TANC2: variants seen among roughly 807,000 people sequenced by gnomAD.
TANC2 encodes protein TANC2.
TANC2 carries 26 observed loss-of-function variants against 210.5 expected under a neutral mutation model. The ratio of observed to expected loss-of-function variants is 0.12; its 90% CI spans 0.09 to 0.17. The LOEUF (loss-of-function observed/expected upper bound fraction) is 0.17, where lower values mean the gene tolerates loss of function less well. TANC2 is among the 10% of genes least tolerant of loss of function. The pLI, the probability that TANC2 is intolerant of heterozygous loss-of-function variation, is 1.00. For missense variants in TANC2, 2,129 were observed against 2,608.9 expected (o/e 0.82, Z 4.01); for synonymous variants, 931 against 967.1 (o/e 0.96, Z 0.69).
chr17:63,002,757 A>G (rs2033444637), intron 1 of TANC2, among the ~76,000 whole-genome samples: 1 of 152,158 alleles, frequency 6.6e-6, no homozygotes, highest in African/African-American at 2.4e-5. Flanking sequence ...GCTTCTATGT[A>G]AAGGTTCTTT....
intron 1 of TANC2, among the ~76,000 whole-genome samples, chr17:62,977,022 T>C (rs191967893): frequency 3.9e-5 from 6 of 152,364 alleles, no homozygotes; most frequent in African/African-American, 1.4e-4. Context: ...TAAATGACCC[T>C]GTCTCCTTTG....
intron 17 of TANC2, among the ~76,000 whole-genome samples, chr17:63,394,503 A>G (rs867374998): frequency 6.6e-6 from 1 of 152,252 alleles, no homozygotes; most frequent in Non-Finnish European, 1.5e-5. Flanking sequence ...AGTTCTGAGC[A>G]TGAAAACACT....
At chr17:62,976,833 G>A (rs2143339871) in intron 1 of TANC2, among the ~76,000 whole-genome samples, 1 of 152,236 alleles carries the variant, frequency 6.6e-6, no homozygotes, top group Admixed American at 6.5e-5. Flanking sequence ...TCCTTATTTG[G>A]AAGTATTTTT....
At chr17:63,364,285 G>T (rs1023661841) in intron 14 of TANC2, among the ~76,000 whole-genome samples, 26 of 152,154 alleles carry the variant, frequency 1.7e-4, no homozygotes, top group African/African-American at 5.6e-4. Context: ...ACATCTATTA[G>T]TCAAATAGGC....
At chr17:63,272,533 C>T (rs1384517897) in intron 9 of TANC2, among the ~76,000 whole-genome samples, 1 of 151,950 alleles carries the variant, frequency 6.6e-6, no homozygotes, top group South Asian at 2.1e-4. Flanking sequence ...TGAATCTTAC[C>T]AATTACTTTT....
chr17:63,248,457 T>C (rs2042974140), intron 8 of TANC2, among the ~76,000 whole-genome samples: 1 of 152,152 alleles, frequency 6.6e-6, no homozygotes, highest in Non-Finnish European at 1.5e-5. Context: ...TTTTTAAACT[T>C]AATTTCTGTG....
intron 8 of TANC2, among the ~76,000 whole-genome samples, chr17:63,242,225 A>T (rs1268299467): frequency 6.6e-6 from 1 of 152,142 alleles, no homozygotes; most frequent in Non-Finnish European, 1.5e-5. Flanking sequence ...GAGATGTCTA[A>T]GACTCCTGTA....
intron 2 of TANC2, among the ~76,000 whole-genome samples, chr17:63,019,338 C>T (rs1267717883): frequency 2.6e-5 from 3 of 114,108 alleles, no homozygotes; most frequent in African/African-American, 8.8e-5. Context: ...ATGCCTCAGC[C>T]GCCTGAGTAC....
chr17:63,314,440 T>C (rs757478572), exon 10 of TANC2: 5 of 1,613,830 alleles, frequency 3.1e-6, no homozygotes, highest in African/African-American at 2.7e-5. Flanking sequence ...CTCTGCTCTT[T>C]GAAGTGCCCA....
At chr17:63,190,346 GA>G (rs10709454) in intron 5 of TANC2, among the ~76,000 whole-genome samples, 90,659 of 151,278 alleles carry the variant, frequency 0.6, 29,588 homozygotes, top group African/African-American at 0.86. Context: ...TCCTAGAAAA[GA>G]AAAAAAAAGA....
At chr17:63,348,847 A>G (rs1236113343) in intron 12 of TANC2, among the ~76,000 whole-genome samples, 1 of 152,220 alleles carries the variant, frequency 6.6e-6, no homozygotes, top group Non-Finnish European at 1.5e-5. Context: ...TTTCAAAGTG[A>G]AAATCTAAAG....
chr17:63,135,875 C>G (rs1157321189), intron 4 of TANC2, among the ~76,000 whole-genome samples: 7 of 152,098 alleles, frequency 4.6e-5, no homozygotes, highest in Non-Finnish European at 1.5e-5. Context: ...GAAATGAAAC[C>G]TAATAACGTT....
intron 5 of TANC2, among the ~76,000 whole-genome samples, chr17:63,178,676 T>C (rs1413931987): frequency 6.6e-6 from 1 of 152,232 alleles, no homozygotes; most frequent in African/African-American, 2.4e-5. Flanking sequence ...TGATTAAATA[T>C]GGCACAGATT....
intron 1 of TANC2, among the ~76,000 whole-genome samples, chr17:63,003,989 A>C (rs1408376385): frequency 6.6e-6 from 1 of 152,138 alleles, no homozygotes; most frequent in Admixed American, 6.6e-5. Flanking sequence ...ACAATCATTA[A>C]CAGTGTACAA....
intron 1 of TANC2, among the ~76,000 whole-genome samples, chr17:62,975,273 T>G (rs1010514507): frequency 4.6e-5 from 7 of 152,182 alleles, no homozygotes; most frequent in Non-Finnish European, 1.0e-4. Flanking sequence ...CAATTTCTAG[T>G]TGTGGTTGCT....
At chr17:63,113,069 A>T (rs562609301) in intron 4 of TANC2, among the ~76,000 whole-genome samples, 24 of 152,210 alleles carry the variant, frequency 1.6e-4, no homozygotes, top group Non-Finnish European at 1.6e-4. Flanking sequence ...GGGCTAAACA[A>T]TTTTGGCCAT....
intron 4 of TANC2, chr17:63,149,714 G>A (rs961600421): frequency 2.0e-5 from 3 of 151,938 alleles, no homozygotes; most frequent in Non-Finnish European, 2.9e-5. Context: ...TCTAATATTG[G>A]CTATTAGTAG....
intron 1 of TANC2, among the ~76,000 whole-genome samples, chr17:62,980,535 G>A (rs559256246): frequency 1.3e-5 from 2 of 152,116 alleles, no homozygotes; most frequent in African/African-American, 4.8e-5. Flanking sequence ...CTGGCCCAAA[G>A]CATTTTGGGT....
chr17:63,140,596 C>T (rs143020100), intron 4 of TANC2, among the ~76,000 whole-genome samples: 1,849 of 152,238 alleles, frequency 0.012, 35 homozygotes, highest in African/African-American at 0.043. Context: ...TTGTAGTCAC[C>T]CCTCTGCCTA....
Sources: gnomAD v4.1 joint callset for allele counts (sites outside exome capture counted in the v4.1 genomes callset) on GRCh38, gnomAD v4.1.1 for gene constraint, MANE v1.5 for transcripts, NCBI Gene and HGNC (gene_info 2026-07-23, HGNC 2026-07-21) for gene names.